IL6R: variants seen among roughly 807,000 people sequenced by gnomAD.
The protein encoded by IL6R is interleukin-6 receptor subunit alpha.
A neutral mutation model predicts 48.3 loss-of-function variants in IL6R; 38 were observed. The ratio of observed to expected loss-of-function variants is 0.79; its 90% CI spans 0.61 to 1.03. The LOEUF (loss-of-function observed/expected upper bound fraction) is 1.03. Among genes scored for constraint, IL6R ranks in the 50% least tolerant of loss-of-function variants. The pLI, the probability that IL6R is intolerant of heterozygous loss-of-function variation, is 0.00. For missense variants in IL6R, 534 were observed against 618.3 expected (o/e 0.86, Z 1.45); for synonymous variants, 264 against 256.2 (o/e 1.03, Z -0.29).
At chr1:154,414,650 A>G in intron 1 of IL6R, 1 of 842,878 alleles carries the variant, frequency 1.2e-6, no homozygotes, top group Non-Finnish European at 2.0e-6. Context: ...AAGACGGTGT[A>G]GCTCTTGGCG....
intron 1 of IL6R, among the ~76,000 whole-genome samples, chr1:154,410,146 C>T (rs939312072): frequency 1.3e-5 from 2 of 152,088 alleles, no homozygotes; most frequent in Non-Finnish European, 2.9e-5. Flanking sequence ...CCTTTAGCTC[C>T]TTGAAGTCTA....
chr1:154,446,514 G>A (rs1690238738), intron 6 of IL6R, among the ~76,000 whole-genome samples: 2 of 152,200 alleles, frequency 1.3e-5, no homozygotes, highest in African/African-American at 4.8e-5. Flanking sequence ...ATTCTTGATG[G>A]AAAAATGATG....
At chr1:154,440,045 G>A (rs1196993103) in intron 6 of IL6R, among the ~76,000 whole-genome samples, 1 of 152,110 alleles carries the variant, frequency 6.6e-6, no homozygotes, top group African/African-American at 2.4e-5. Context: ...TGAGATTACA[G>A]GCGCCTGCCA....
intron 9 of IL6R, 130 bp from the exon 10 acceptor site, chr1:154,465,004 T>C: frequency 2.1e-6 from 2 of 943,700 alleles, no homozygotes; most frequent in African/African-American, 1.6e-5. Context: ...CTGATAGTTA[T>C]TGCTCCTTTG....
At chr1:154,426,076 G>GAC (rs34280647) in intron 1 of IL6R, among the ~76,000 whole-genome samples, 5,250 of 119,914 alleles carry the variant, frequency 0.044, 269 homozygotes, top group African/African-American at 0.11. Flanking sequence ...CCCTGTATCA[G>GAC]ACACACACAC....
intron 1 of IL6R, among the ~76,000 whole-genome samples, chr1:154,411,031 C>A (rs1414003246): frequency 6.6e-6 from 1 of 152,244 alleles, no homozygotes; most frequent in East Asian, 1.9e-4. Context: ...AGATGAGAGG[C>A]CAGTTTTGCA....
At chr1:154,408,987 G>T (rs1687883766) in intron 1 of IL6R, among the ~76,000 whole-genome samples, 1 of 152,006 alleles carries the variant, frequency 6.6e-6, no homozygotes, top group East Asian at 1.9e-4. Flanking sequence ...TCTACAAAAA[G>T]ATTTAAAAAA....
chr1:154,405,605 A>T lies in IL6R; in HGVS notation c.-25A>T. The T allele has an allele frequency of 7.6e-7, 1 of 1,309,706 alleles. No homozygotes were observed. The highest frequency in any genetic ancestry group is 9.9e-7 in the Non-Finnish European group (1 of 1,009,244). The allele number at this position is 1,309,706 out of a possible 1,614,324, so 81.1% of individuals were successfully genotyped here. A position where few individuals can be genotyped will look rare whatever the true frequency, so the allele number is the denominator to read the frequency against. On this transcript the variant is annotated 5_prime_UTR_variant, in exon 1 of 10. An upstream start codon of the reference 5' UTR is lost. Transcript: ENST00000368485. The surrounding 1 kb of genome is among the most constrained non-coding windows in gnomAD (Gnocchi z 5.2). ...TTAGCCTGTCCGCCTCTGCGGGACC[A>T]TGGAGTGGTAGCCGAGGAGGAAGCA...
intron 1 of IL6R, among the ~76,000 whole-genome samples, chr1:154,426,237 G>A (rs974625385): frequency 2.0e-5 from 3 of 151,780 alleles, no homozygotes; most frequent in Admixed American, 6.6e-5. Context: ...CCAGCTGGGC[G>A]TGGTGGCTCA....
chr1:154,448,729 A>T lies in IL6R; in HGVS notation c.996+558A>T, dbSNP rs114299772. Among the ~76,000 whole-genome samples, 495 of 152,172 alleles carry T rather than the reference A, an allele frequency of 3.3e-3. 6 individuals carry two copies. Among genetic ancestry groups the T allele is most frequent in the African/African-American group, 0.011 (469 of 41,530 alleles). ...AGGAACAGCTGCAGGTGAAGCCCATACCCATGGGGCTAGAGTGCTCCCAAC... is the reference window on the plus strand; with the variant it reads ...AGGAACAGCTGCAGGTGAAGCCCATTCCCATGGGGCTAGAGTGCTCCCAAC... On this transcript the variant is annotated intron_variant, in intron 7 of 9. Coordinates refer to ENST00000368485, the MANE Select transcript of IL6R (RefSeq NM_000565.4).
intron 1 of IL6R, chr1:154,406,615 G>A (rs1687732800): frequency 6.6e-6 from 1 of 152,278 alleles, no homozygotes; most frequent in Non-Finnish European, 1.5e-5. Context: ...AGGGGCAGCT[G>A]ACAGGCTTCT....
chr1:154,435,314 A>G (rs1050918112), intron 5 of IL6R, among the ~76,000 whole-genome samples, 158 bp downstream of exon 5: 8 of 152,144 alleles, frequency 5.3e-5, no homozygotes, highest in African/African-American at 1.4e-4. Flanking sequence ...GTTCGAGACC[A>G]TCCTGGCCAA....
At chr1:154,426,877 C>G (rs78186112) in intron 1 of IL6R, among the ~76,000 whole-genome samples, 5,226 of 152,080 alleles carry the variant, frequency 0.034, 204 homozygotes, top group African/African-American at 0.097. Context: ...AGCAGTCCAC[C>G]CCTTATTGCC....
intron 1 of IL6R, among the ~76,000 whole-genome samples, chr1:154,426,076 GACACAC>G (rs34280647): frequency 1.1e-3 from 135 of 119,946 alleles, no homozygotes; most frequent in Admixed American, 2.0e-3. Context: ...CCCTGTATCA[GACACAC>G]ACACACACAC....
chr1:154,417,499 G>A (rs377041923), intron 1 of IL6R, among the ~76,000 whole-genome samples: 28 of 152,238 alleles, frequency 1.8e-4, no homozygotes, highest in African/African-American at 2.2e-4. Context: ...GCCCTGCTGC[G>A]TCCTGCTTTT....
At chr1:154,433,019 G>A (rs115617158) in intron 3 of IL6R, among the ~76,000 whole-genome samples, 2,883 of 152,344 alleles carry the variant, frequency 0.019, 46 homozygotes, top group Non-Finnish European at 0.027. Context: ...CCTTGGACCA[G>A]GCGCAGTGCT....
intron 8 of IL6R, 153 bp from the exon 9 acceptor site, chr1:154,454,335 G>A: frequency 1.6e-6 from 1 of 614,658 alleles, no homozygotes; most frequent in East Asian, 2.7e-5. Flanking sequence ...CTGTTGGTTG[G>A]CAGAGCTGTT....
intron 7 of IL6R, 150 bp downstream of exon 7, chr1:154,448,321 T>A: frequency 1.5e-6 from 1 of 660,134 alleles, no homozygotes; most frequent in South Asian, 1.8e-5. Flanking sequence ...CAAACCTCTG[T>A]GAAAGGGAAT....
intron 9 of IL6R, among the ~76,000 whole-genome samples, chr1:154,459,531 G>A (rs539699854): frequency 1.3e-5 from 2 of 152,292 alleles, no homozygotes; most frequent in African/African-American, 4.8e-5. Flanking sequence ...ATTTACAGTA[G>A]GTGAAGTGTG....
Sources: gnomAD v4.1 joint callset for allele counts (sites outside exome capture counted in the v4.1 genomes callset) on GRCh38, gnomAD v4.1.1 for gene constraint, Gnocchi (gnomAD v3.1) non-coding constraint, MANE v1.5 for transcripts, NCBI Gene and HGNC (gene_info 2026-07-23, HGNC 2026-07-21) for gene names.